The following CCSER1 variants were observed in gnomAD, a reference collection of about 807,000 sequenced individuals.
The protein encoded by CCSER1 is serine-rich coiled-coil domain-containing protein 1.
A neutral mutation model predicts 82.0 loss-of-function variants in CCSER1; 41 were observed. The observed-to-expected ratio is 0.50, with a 90% CI of 0.39 to 0.65. The LOEUF (loss-of-function observed/expected upper bound fraction) is 0.65, where lower values mean the gene tolerates loss of function less well. Ranked by LOEUF, CCSER1 falls within the 30% of genes least tolerant of loss-of-function variation. CCSER1 has a pLI of 0.00. For synonymous variants in CCSER1, 414 were observed against 383.9 expected, an observed-to-expected ratio of 1.08 and a Z score of -0.92; for missense variants, 1,119 against 1,064.2, an observed-to-expected ratio of 1.05 and a Z score of -0.72.
At chr4:91,537,632 A>G (rs1761361059) in intron 10 of CCSER1, among the ~76,000 whole-genome samples, 1 of 152,182 alleles carries the variant, frequency 6.6e-6, no homozygotes, top group South Asian at 2.1e-4. Flanking sequence ...GCAAAACTAA[A>G]TAACACATCA....
At chr4:90,730,206 A>G (rs1260219597) in intron 7 of CCSER1, among the ~76,000 whole-genome samples, 1 of 152,216 alleles carries the variant, frequency 6.6e-6, no homozygotes, top group Non-Finnish European at 1.5e-5. Context: ...ACAGAAGCCA[A>G]ATTGTGGCAT....
intron 1 of CCSER1, among the ~76,000 whole-genome samples, chr4:90,291,618 A>G (rs535169346): frequency 6.6e-6 from 1 of 152,176 alleles, no homozygotes; most frequent in South Asian, 2.1e-4. Context: ...TACTGAATTT[A>G]TTAACAAAGT....
intron 9 of CCSER1, among the ~76,000 whole-genome samples, chr4:91,071,477 G>T (rs1386387141): frequency 6.6e-6 from 1 of 152,100 alleles, no homozygotes; most frequent in Non-Finnish European, 1.5e-5. Context: ...CTAGTCCAAA[G>T]GCCTATGGTG....
rs189936481 is a variant in CCSER1 at position 90,501,803 on chromosome 4, T to C, written c.1724+33449T>C. ...ATACTTTGGCCCTTTATATGTAGAC[T>C]GCAGTTATATTTTTATGTATTGTAT... On this transcript the variant is annotated intron_variant, in intron 5 of 10. Transcript: ENST00000509176. 1.9e-4 allele frequency among the ~76,000 whole-genome samples: 29 copies of C among 152,290 alleles called. 1 individual carries two copies. Among genetic ancestry groups the C allele is most frequent in the Non-Finnish European group, 3.5e-4 (24 of 68,006 alleles).
chr4:91,489,443 C>T (rs777387541), intron 10 of CCSER1, among the ~76,000 whole-genome samples: 1 of 152,000 alleles, frequency 6.6e-6, no homozygotes, highest in African/African-American at 2.4e-5. Context: ...TTATGTAGTC[C>T]CTGGAACAGT....
At chr4:91,069,397 CAA>C (rs1721194469) in intron 9 of CCSER1, among the ~76,000 whole-genome samples, 1 of 151,346 alleles carries the variant, frequency 6.6e-6, no homozygotes, top group Admixed American at 6.6e-5. Context: ...ATATTATACT[CAA>C]TATATTAATG....
chr4:90,388,145 G>A (rs182433535), intron 3 of CCSER1, among the ~76,000 whole-genome samples: 9 of 152,284 alleles, frequency 5.9e-5, no homozygotes, highest in Non-Finnish European at 8.8e-5. Flanking sequence ...AAAGCATGAA[G>A]GAGTTTATGA....
At chr4:90,891,698 A>AT (rs1722990999) in intron 8 of CCSER1, among the ~76,000 whole-genome samples, 1 of 151,934 alleles carries the variant, frequency 6.6e-6, no homozygotes, top group African/African-American at 2.4e-5. Context: ...TCTGGCATTT[A>AT]TTTTCTCTCT....
intron 10 of CCSER1, among the ~76,000 whole-genome samples, chr4:91,453,714 C>A (rs776385992): frequency 6.6e-6 from 1 of 152,024 alleles, no homozygotes; most frequent in East Asian, 1.9e-4. Flanking sequence ...TATATCTTAG[C>A]TGAATCTATA....
chr4:90,986,846 C>T (rs2150436352), intron 9 of CCSER1, among the ~76,000 whole-genome samples: 1 of 151,822 alleles, frequency 6.6e-6, no homozygotes, highest in East Asian at 2.0e-4. Context: ...ATAACAACGC[C>T]TTCGGAGACC....
At chr4:91,167,847 T>G (rs2148994172) in intron 10 of CCSER1, among the ~76,000 whole-genome samples, 1 of 152,352 alleles carries the variant, frequency 6.6e-6, no homozygotes, top group South Asian at 2.1e-4. Flanking sequence ...ATAATACGCT[T>G]TTACAAACAA....
chr4:91,583,639 A>C (rs978411291), intron 10 of CCSER1, among the ~76,000 whole-genome samples: 4 of 151,476 alleles, frequency 2.6e-5, no homozygotes, highest in Non-Finnish European at 4.4e-5. Flanking sequence ...GCTTGAATAG[A>C]CTAGTGGAGT....
intron 10 of CCSER1, among the ~76,000 whole-genome samples, chr4:91,399,058 T>C (rs1345027268): frequency 1.3e-5 from 2 of 151,832 alleles, no homozygotes; most frequent in African/African-American, 4.8e-5. Context: ...TAAAAAAAAT[T>C]AAACCACTTA....
intron 8 of CCSER1, among the ~76,000 whole-genome samples, chr4:90,916,344 C>G (rs1727414227): frequency 6.6e-6 from 1 of 152,078 alleles, no homozygotes; most frequent in Non-Finnish European, 1.5e-5. Flanking sequence ...GAACAGAGCC[C>G]TCAGATATAA....
intron 4 of CCSER1, among the ~76,000 whole-genome samples, chr4:90,464,249 G>T (rs1763330277): frequency 6.6e-6 from 1 of 152,140 alleles, no homozygotes; most frequent in Non-Finnish European, 1.5e-5. Flanking sequence ...TCATTTTGTT[G>T]TTTATATATT....
chr4:91,216,606 C>A (rs998137977), intron 10 of CCSER1, among the ~76,000 whole-genome samples: 8 of 152,194 alleles, frequency 5.3e-5, no homozygotes, highest in Admixed American at 1.3e-4. Context: ...AGGCGTGAGC[C>A]ACTGCGCCAG....
At chr4:91,401,423 A>T (rs1752316148) in intron 10 of CCSER1, among the ~76,000 whole-genome samples, 1 of 150,278 alleles carries the variant, frequency 6.7e-6, no homozygotes, top group Non-Finnish European at 1.5e-5. Flanking sequence ...TTATACTTTA[A>T]GTTCTAGGGT....
rs1252211889 is a variant in CCSER1 at position 90,230,384 on chromosome 4, C to T, written c.-41-77860C>T. ...TCCTGAATGACTACTGGGTATATAA[C>T]GAAATGAAGGCAGAAATAAAGATGT... On this transcript the variant is annotated intron_variant, in intron 1 of 10. Coordinates refer to ENST00000509176, the MANE Select transcript of CCSER1 (RefSeq NM_001145065.2). 1.5e-4 allele frequency among the ~76,000 whole-genome samples: 23 copies of T among 152,086 alleles called. 1 individual carries two copies. Among genetic ancestry groups the T allele is most frequent in the African/African-American group, 2.7e-4 (11 of 41,476 alleles).
chr4:90,255,834 C>T (rs1723181671), intron 1 of CCSER1, among the ~76,000 whole-genome samples: 1 of 152,110 alleles, frequency 6.6e-6, no homozygotes, highest in Admixed American at 6.6e-5. Flanking sequence ...GTGTTTGGGA[C>T]ATTATTCACT....
Sources: gnomAD v4.1 joint callset for allele counts (sites outside exome capture counted in the v4.1 genomes callset) on GRCh38, gnomAD v4.1.1 for gene constraint, MANE v1.5 for transcripts, NCBI Gene and HGNC (gene_info 2026-07-23, HGNC 2026-07-21) for gene names.